The following PCNX2 variants were observed in gnomAD, a reference collection of about 807,000 sequenced individuals.
PCNX2 encodes the protein pecanex 2.
PCNX2 carries 168 observed loss-of-function variants against 223.8 expected under a neutral mutation model. The observed-to-expected ratio is 0.75, with a 90% CI of 0.66 to 0.85. The LOEUF (loss-of-function observed/expected upper bound fraction) is 0.85, where lower values mean the gene tolerates loss of function less well. Ranked by LOEUF, PCNX2 falls within the 40% of genes least tolerant of loss-of-function variation. The pLI is 0.00. For synonymous variants in PCNX2, 1,006 were observed against 1,052.6 expected (o/e 0.96, Z 0.86); for missense variants, 2,507 against 2,675.5 (o/e 0.94, Z 1.39).
chr1:233,000,659 C>T lies in PCNX2; in HGVS notation c.5098-124G>A. 1 of 750,846 alleles carries T rather than the reference C, an allele frequency of 1.3e-6. No individual in the cohort carries two copies. The highest frequency in any genetic ancestry group is 2.2e-6 in the Non-Finnish European group (1 of 463,134). The allele number at this position is 750,846 out of a possible 1,614,324, so 46.5% of individuals were successfully genotyped here. ...AGCTCTTTCCTCATCTTCCTCTCTCCTGTTCTTTTTCCAAATCCTGAGCTC... is the reference window on the plus strand; with the variant it reads ...AGCTCTTTCCTCATCTTCCTCTCTCTTGTTCTTTTTCCAAATCCTGAGCTC... On this transcript the variant is annotated intron_variant, in intron 29 of 33. Coordinates refer to ENST00000258229, the MANE Select transcript of PCNX2 (RefSeq NM_014801.4). The surrounding 1 kb of genome is among the most constrained non-coding windows in gnomAD (Gnocchi z 4.6).
chr1:233,252,636 C>T lies in PCNX2; in HGVS notation c.1982+5G>A. ...GTGAAACTAAATTAAGTAACTTATC[C>T]TTACAAGGCTGTGGTCTTGGCAGGC... On this transcript the variant is annotated splice_donor_5th_base_variant and intron_variant, in intron 6 of 33. Transcript: ENST00000258229. 1.2e-6 allele frequency: 2 copies of T among 1,605,640 alleles called. No individual in the cohort carries two copies. Among genetic ancestry groups the T allele is most frequent in the South Asian group, 1.1e-5 (1 of 88,700 alleles).
chr1:233,027,109 G>A (rs1282836365), intron 25 of PCNX2, among the ~76,000 whole-genome samples: 1 of 110,916 alleles, frequency 9.0e-6, no homozygotes, highest in Non-Finnish European at 1.7e-5. Context: ...AAGTGAGTTA[G>A]AAAGAAAACC....
chr1:233,277,671 C>T (rs530251224), intron 1 of PCNX2, among the ~76,000 whole-genome samples: 1 of 152,286 alleles, frequency 6.6e-6, no homozygotes, highest in South Asian at 2.1e-4. Flanking sequence ...AGAACGGGGG[C>T]TGCTGTTGGA....
At chr1:233,209,302 G>C (rs767512384) in intron 12 of PCNX2, among the ~76,000 whole-genome samples, 2 of 152,146 alleles carry the variant, frequency 1.3e-5, no homozygotes, top group Non-Finnish European at 2.9e-5. Context: ...TAGCAGACCT[G>C]ATCTTATCCC....
At chr1:233,168,284 T>C (rs1179278519) in intron 17 of PCNX2, among the ~76,000 whole-genome samples, 3 of 152,096 alleles carry the variant, frequency 2.0e-5, no homozygotes, top group Non-Finnish European at 4.4e-5. Context: ...AGCCTGACAT[T>C]AACAGTATTA....
At chr1:233,112,816 C>A in intron 21 of PCNX2, 1 of 1,253,882 alleles carries the variant, frequency 8.0e-7, no homozygotes, top group Non-Finnish European at 1.0e-6. Flanking sequence ...GCTTGATGTC[C>A]CAAATGGGGA....
intron 17 of PCNX2, among the ~76,000 whole-genome samples, chr1:233,170,215 A>T (rs557725653): frequency 6.6e-6 from 1 of 152,190 alleles, no homozygotes; most frequent in African/African-American, 2.4e-5. Flanking sequence ...CTTAAACTTT[A>T]TGTTATTAAA....
intron 19 of PCNX2, among the ~76,000 whole-genome samples, chr1:233,148,430 CT>C (rs3033312): frequency 0.012 from 1,736 of 143,914 alleles, 18 homozygotes; most frequent in African/African-American, 0.036. Context: ...TTTTTCTTTT[CT>C]TTTTTTTTTT....
intron 2 of PCNX2, among the ~76,000 whole-genome samples, chr1:233,262,407 C>G (rs1442548423): frequency 6.6e-6 from 1 of 152,118 alleles, no homozygotes; most frequent in Non-Finnish European, 1.5e-5. Flanking sequence ...ATCCTCCCAC[C>G]TCAACCTCCC....
At chr1:233,273,808 G>T (rs34070591) in intron 1 of PCNX2, among the ~76,000 whole-genome samples, 1 of 151,636 alleles carries the variant, frequency 6.6e-6, no homozygotes, top group Non-Finnish European at 1.5e-5. Flanking sequence ...TATTTTTAGT[G>T]GAGACGGGGT....
intron 22 of PCNX2, among the ~76,000 whole-genome samples, chr1:233,092,808 GT>G (rs112241364): frequency 0.023 from 3,525 of 151,806 alleles, 46 homozygotes; most frequent in East Asian, 0.042. Flanking sequence ...TTTTGTTTTT[GT>G]TTTTTTTGAA....
chr1:233,149,294 T>C lies in PCNX2; in HGVS notation c.3518-9439A>G, dbSNP rs1012350168. Among the ~76,000 whole-genome samples the C allele has an allele frequency of 3.3e-5, 5 of 152,308 alleles. No homozygotes were observed. The East Asian group carries it at 5.8e-4, about 18-fold the overall frequency. ...TTCAGGTTGTGTTTTGTTTAGACTC[T>C]TTATGCTACTAAAATAAGTTCTTCT... On this transcript the variant is annotated intron_variant, in intron 19 of 33. Transcript: ENST00000258229.
chr1:233,216,833 A>C (rs1656961677), intron 12 of PCNX2, among the ~76,000 whole-genome samples: 2 of 152,074 alleles, frequency 1.3e-5, no homozygotes, highest in South Asian at 4.1e-4. Flanking sequence ...TGAATGGATA[A>C]AGAAGATGTG....
chr1:233,206,539 C>T (rs1378825918), intron 13 of PCNX2, among the ~76,000 whole-genome samples: 1 of 151,798 alleles, frequency 6.6e-6, no homozygotes, highest in Non-Finnish European at 1.5e-5. Flanking sequence ...TTTGTTCCAA[C>T]TGATAGGACT....
chr1:233,024,320 C>T (rs190768427), intron 26 of PCNX2, among the ~76,000 whole-genome samples: 6 of 152,344 alleles, frequency 3.9e-5, no homozygotes, highest in East Asian at 3.9e-4. Context: ...CCACCTGTCT[C>T]GGCACGCTGG....
intron 8 of PCNX2, among the ~76,000 whole-genome samples, chr1:233,243,840 A>G (rs11810131): frequency 7.8e-6 from 1 of 128,574 alleles, no homozygotes; most frequent in Non-Finnish European, 1.5e-5. Flanking sequence ...TTTATTTTTT[A>G]TTTTTTTTTG....
chr1:233,025,700 T>G (rs1558172250), intron 25 of PCNX2: 1 of 404,990 alleles, frequency 2.5e-6, no homozygotes, highest in East Asian at 4.7e-5. Context: ...TGGGAGGCAG[T>G]AGTTGACAAA....
In PCNX2 at chr1:233,183,727, G is replaced by A. The variant is rs796693383; in HGVS notation, c.3067-4552C>T. On this transcript the variant is annotated intron_variant, in intron 15 of 33. Coordinates refer to ENST00000258229, the MANE Select transcript of PCNX2 (RefSeq NM_014801.4). Reference sequence around the variant, plus strand: ...GACAGAGAGAGTCTTGGAAAGGAAAGACACATGGATAACTGCAGTCAAGTA... The same window carrying A: ...GACAGAGAGAGTCTTGGAAAGGAAAAACACATGGATAACTGCAGTCAAGTA... 1.4e-4 allele frequency among the ~76,000 whole-genome samples: 22 copies of A among 152,322 alleles called. 2 individuals are homozygous for A. Among genetic ancestry groups the A allele is most frequent in the African/African-American group, 5.1e-4 (21 of 41,574 alleles).
At chr1:233,073,626 T>A (rs1357866322) in intron 23 of PCNX2, among the ~76,000 whole-genome samples, 1 of 151,610 alleles carries the variant, frequency 6.6e-6, no homozygotes, top group Non-Finnish European at 1.5e-5. Flanking sequence ...TATTATTATT[T>A]TTAGAGGCAG....
Sources: gnomAD v4.1 joint callset for allele counts (sites outside exome capture counted in the v4.1 genomes callset) on GRCh38, gnomAD v4.1.1 for gene constraint, Gnocchi (gnomAD v3.1) non-coding constraint, MANE v1.5 for transcripts, NCBI Gene and HGNC (gene_info 2026-07-23, HGNC 2026-07-21) for gene names.